The following CALN1 variants were observed in gnomAD, a reference collection of about 807,000 sequenced individuals.
The protein encoded by CALN1 is calneuron 1.
Under a neutral mutation model 30.6 loss-of-function variants are expected in CALN1, and 17 were observed. That is an observed-to-expected ratio of 0.56 (90% CI 0.38 to 0.83). The LOEUF is 0.83. CALN1 is among the 40% of genes least tolerant of loss of function. The pLI, the probability that CALN1 is intolerant of heterozygous loss-of-function variation, is 0.00. For missense variants in CALN1, 291 were observed against 354.9 expected (o/e 0.82, Z 1.45); for synonymous variants, 156 against 131.4 (o/e 1.19, Z -1.28).
chr7:72,370,525 A>G (rs1235060813), intron 2 of CALN1, among the ~76,000 whole-genome samples: 1 of 152,094 alleles, frequency 6.6e-6, no homozygotes, highest in Non-Finnish European at 1.5e-5. Context: ...GTGGTGGCAC[A>G]TGCCTGTAGT....
At chr7:72,155,484 T>C (rs1787597207) in intron 3 of CALN1, among the ~76,000 whole-genome samples, 1 of 146,010 alleles carries the variant, frequency 6.8e-6, no homozygotes, top group East Asian at 2.0e-4. Context: ...AGAGCAAGAC[T>C]CTGTCTCAAA....
chr7:72,037,721 G>A (rs1439305945), intron 4 of CALN1, among the ~76,000 whole-genome samples: 9 of 152,014 alleles, frequency 5.9e-5, no homozygotes, highest in African/African-American at 2.2e-4. Context: ...CACTAGTACA[G>A]GGTTGTGGGT....
intron 2 of CALN1, among the ~76,000 whole-genome samples, chr7:72,338,513 G>C (rs560700713): frequency 1.2e-4 from 17 of 146,788 alleles, no homozygotes; most frequent in African/African-American, 4.5e-4. Context: ...GTGTGTGTGT[G>C]TGTGTGTGTG....
chr7:72,419,255 A>G (rs908091657), intron 1 of CALN1, among the ~76,000 whole-genome samples: 17 of 152,052 alleles, frequency 1.1e-4, no homozygotes, highest in Admixed American at 1.1e-3. Context: ...TCTAAAATGG[A>G]TTGTGATCAC....
rs556778048 is a variant in CALN1 at position 71,853,196 on chromosome 7, C to G, written c.502-42704G>C. On this transcript the variant is annotated intron_variant, in intron 5 of 6. Coordinates refer to ENST00000395275, the MANE Select transcript of CALN1 (RefSeq NM_031468.4). ...GGCTCAAGCAATCCTCCTGGCTGAG[C>G]CTCCCAAAGTGCTGGGATTACAGGC... Among the ~76,000 whole-genome samples the G allele has an allele frequency of 9.2e-5, 14 of 152,068 alleles. No individual in the cohort carries two copies. In the South Asian group the frequency reaches 2.5e-3, roughly 27 times the overall value.
At chr7:71,836,617 T>C (rs1789618093) in intron 5 of CALN1, among the ~76,000 whole-genome samples, 1 of 133,040 alleles carries the variant, frequency 7.5e-6, no homozygotes, top group African/African-American at 3.3e-5. Flanking sequence ...TATTTCTCTC[T>C]GTCTCTTTTT....
At chr7:72,128,964 T>A (rs1369390613) in intron 3 of CALN1, among the ~76,000 whole-genome samples, 1 of 152,194 alleles carries the variant, frequency 6.6e-6, no homozygotes, top group East Asian at 1.9e-4. Context: ...TTGTAATTTA[T>A]GTTACAAAAG....
At chr7:72,069,530 G>C (rs1476404611) in intron 4 of CALN1, among the ~76,000 whole-genome samples, 1 of 151,942 alleles carries the variant, frequency 6.6e-6, no homozygotes, top group Non-Finnish European at 1.5e-5. Context: ...TTGGTTTCTG[G>C]CTACACCACT....
In CALN1 at chr7:72,228,522, T is replaced by A. The variant is rs1177582606; in HGVS notation, c.244+50164A>T. 2.6e-5 allele frequency among the ~76,000 whole-genome samples: 4 copies of A among 151,780 alleles called. No homozygotes were observed. The East Asian group carries it at 7.7e-4, about 29-fold the overall frequency. ...TGATGGTATATAAACTATTCCTCAA[T>A]AAAGTTATTTTTAAAAATACTCCAG... On this transcript the variant is annotated intron_variant, in intron 3 of 6. Coordinates refer to ENST00000395275, the MANE Select transcript of CALN1 (RefSeq NM_031468.4).
chr7:72,097,372 C>T lies in CALN1; in HGVS notation c.388+8779G>A, dbSNP rs28396106. 4.1e-3 allele frequency among the ~76,000 whole-genome samples: 631 copies of T among 152,256 alleles called. 5 individuals are homozygous for T. Among genetic ancestry groups the T allele is most frequent in the African/African-American group, 0.014 (577 of 41,546 alleles). On this transcript the variant is annotated intron_variant, in intron 4 of 6. Transcript: ENST00000395275. ...TCCCTTAGGTCTTGAGGATATCAAG[C>T]CTTTATTCCCCAGTGAATGATGCAG...
At chr7:72,112,601 G>C (rs1399694584) in intron 3 of CALN1, among the ~76,000 whole-genome samples, 1 of 152,098 alleles carries the variant, frequency 6.6e-6, no homozygotes, top group Non-Finnish European at 1.5e-5. Flanking sequence ...AATTGGGCAG[G>C]GACTGAGCCT....
intron 2 of CALN1, among the ~76,000 whole-genome samples, chr7:72,304,636 ATTTTGT>A (rs1799525753): frequency 6.6e-6 from 1 of 152,094 alleles, no homozygotes; most frequent in African/African-American, 2.4e-5. Flanking sequence ...ATCTACTTAT[ATTTTGT>A]TTTTTTATTA....
chr7:71,934,114 G>T (rs1394056130), intron 5 of CALN1, among the ~76,000 whole-genome samples: 1 of 152,152 alleles, frequency 6.6e-6, no homozygotes, highest in East Asian at 1.9e-4. Context: ...ACTTATATTT[G>T]CCAGACAAAA....
chr7:72,466,725 AGAGT>A, the CALN1 span, among the ~76,000 whole-genome samples: 1 of 151,572 alleles, frequency 6.6e-6, no homozygotes, highest in Non-Finnish European at 1.5e-5. Context: ...CCTGGGCAAC[AGAGT>A]GAGACTCGGG....
intron 6 of CALN1, among the ~76,000 whole-genome samples, chr7:71,806,306 C>CTTT (rs774646277): frequency 0.029 from 3,914 of 136,628 alleles, 237 homozygotes; most frequent in African/African-American, 0.1. Flanking sequence ...TTTCCCCCTC[C>CTTT]TTTTTTTTTT....
rs985508541 is a variant in CALN1 at position 72,336,661 on chromosome 7, A to C, written c.120-57851T>G. On this transcript the variant is annotated intron_variant, in intron 2 of 6. Coordinates refer to ENST00000395275, the MANE Select transcript of CALN1 (RefSeq NM_031468.4). Reference sequence around the variant, plus strand: ...GAGGACCGAGGGAAGAAGAAAAGAGAGCGCGCGCGCGGGTAAGCTAGGGAG... The same window carrying C: ...GAGGACCGAGGGAAGAAGAAAAGAGCGCGCGCGCGCGGGTAAGCTAGGGAG... 51 of 974,382 alleles carry C rather than the reference A, an allele frequency of 5.2e-5. No individual in the cohort carries two copies. In the South Asian group the frequency reaches 8.5e-4, roughly 16 times the overall value. The allele number at this position is 974,382 out of a possible 1,614,324, so 60.4% of individuals were successfully genotyped here.
intron 3 of CALN1, among the ~76,000 whole-genome samples, chr7:72,201,999 T>A (rs1160691229): frequency 1.3e-5 from 2 of 151,764 alleles, no homozygotes; most frequent in Admixed American, 6.6e-5. Flanking sequence ...CAAAACCATA[T>A]CACAAAGTCT....
At chr7:72,367,308 A>G (rs557198208) in intron 2 of CALN1, among the ~76,000 whole-genome samples, 53 of 152,064 alleles carry the variant, frequency 3.5e-4, no homozygotes, top group African/African-American at 1.2e-3. Context: ...GCAACACAGC[A>G]AGGCCCTGTC....
At chr7:72,114,784 A>G (rs1030429961) in intron 3 of CALN1, among the ~76,000 whole-genome samples, 3 of 152,086 alleles carry the variant, frequency 2.0e-5, no homozygotes, top group African/African-American at 7.2e-5. Flanking sequence ...ACCTGAGGTC[A>G]GGAGTTCAAG....
Sources: gnomAD v4.1 joint callset for allele counts (sites outside exome capture counted in the v4.1 genomes callset) on GRCh38, gnomAD v4.1.1 for gene constraint, MANE v1.5 for transcripts, NCBI Gene and HGNC (gene_info 2026-07-23, HGNC 2026-07-21) for gene names.